The following ACTR3 variants were observed in gnomAD, a reference collection of about 807,000 sequenced individuals.
ACTR3 encodes actin related protein 3.
A neutral mutation model predicts 56.8 loss-of-function variants in ACTR3; 12 were observed. That is an observed-to-expected ratio of 0.21 (90% confidence interval 0.14 to 0.34). The LOEUF is 0.34. ACTR3 is among the 10% of genes least tolerant of loss of function. The probability of loss-of-function intolerance (pLI) is 1.00; values close to 1 mark genes in which losing one functional copy is unlikely to be tolerated. For missense variants in ACTR3, 282 were observed against 512.5 expected (o/e 0.55, Z 4.34); for synonymous variants, 162 against 167.4 (o/e 0.97, Z 0.25).
intron 8 of ACTR3, among the ~76,000 whole-genome samples, chr2:113,946,319 T>A (rs1680019459): frequency 6.6e-6 from 1 of 151,992 alleles, no homozygotes. Flanking sequence ...AAATTGTATT[T>A]ATTTTTTAAA....
intron 1 of ACTR3, among the ~76,000 whole-genome samples, chr2:113,892,161 G>T (rs911940866): frequency 6.6e-6 from 1 of 152,022 alleles, no homozygotes; most frequent in African/African-American, 2.4e-5. Context: ...AAATAGTTTC[G>T]AATTAGTATA....
chr2:113,919,680 G>A (rs1679471730), intron 3 of ACTR3, among the ~76,000 whole-genome samples: 1 of 152,056 alleles, frequency 6.6e-6, no homozygotes, highest in Admixed American at 6.6e-5. Context: ...TCCCAGCTCC[G>A]AGATAGTCTT....
intron 1 of ACTR3, among the ~76,000 whole-genome samples, chr2:113,897,215 A>G (rs889666961): frequency 4.2e-4 from 64 of 152,146 alleles, no homozygotes; most frequent in African/African-American, 1.5e-3. Context: ...ATGTTATTGG[A>G]TTGTTTTAAA....
At position 113,890,276 on chromosome 2, in the gene ACTR3, G is replaced by C; in HGVS notation, c.-4G>C. The C allele has an allele frequency of 6.5e-7, 1 of 1,527,678 alleles. No individual in the cohort carries two copies. The highest frequency in any genetic ancestry group is 8.8e-7 in the Non-Finnish European group (1 of 1,132,406). The allele number at this position is 1,527,678 out of a possible 1,614,324, so 94.6% of individuals were successfully genotyped here. On this transcript the variant is annotated 5_prime_UTR_variant, in exon 1 of 12. Transcript: ENST00000263238. The stretch of plus-strand genomic sequence containing the variant: ...GGCAGCAGCAGCAGCAGGCGAGGAG[G>C]AAGATGGCGGGACGGCTGCCGGCCT...
At chr2:113,957,236 G>C in intron 11 of ACTR3, 124 bp from the exon 12 acceptor site, 1 of 619,922 alleles carries the variant, frequency 1.6e-6, no homozygotes, top group Non-Finnish European at 2.8e-6. Flanking sequence ...GCCATGAATG[G>C]ACTAATAATA....
chr2:113,950,544 T>C (rs1332629292), intron 8 of ACTR3, among the ~76,000 whole-genome samples: 1 of 152,160 alleles, frequency 6.6e-6, no homozygotes, highest in African/African-American at 2.4e-5. Flanking sequence ...AACAAATATG[T>C]TTTAGCGATT....
At chr2:113,920,511 C>G (rs1412358067) in intron 3 of ACTR3, among the ~76,000 whole-genome samples, 3 of 152,142 alleles carry the variant, frequency 2.0e-5, no homozygotes, top group African/African-American at 7.2e-5. Flanking sequence ...ATTCAGAATT[C>G]TCTGTTCTAA....
intron 1 of ACTR3, chr2:113,904,993 TACTC>T (rs1251547236): frequency 6.6e-6 from 1 of 152,084 alleles, no homozygotes; most frequent in Non-Finnish European, 1.5e-5. Flanking sequence ...TTTTCTCTGT[TACTC>T]ATTTTTCTTT....
chr2:113,931,497 A>G, intron 5 of ACTR3, 101 bp downstream of exon 5: 1 of 626,822 alleles, frequency 1.6e-6, no homozygotes, highest in Non-Finnish European at 2.6e-6. Context: ...CAAAGGTTTA[A>G]ACATAATGTC....
chr2:113,893,388 G>C (rs13023889), intron 1 of ACTR3, among the ~76,000 whole-genome samples: 11,161 of 152,076 alleles, frequency 0.073, 452 homozygotes, highest in African/African-American at 0.1. Flanking sequence ...CCACCTCCCA[G>C]GTTCAAGCTA....
chr2:113,914,110 T>A (rs1195198019), intron 2 of ACTR3, among the ~76,000 whole-genome samples: 2 of 766 alleles, frequency 2.6e-3, no homozygotes, highest in Non-Finnish European at 0.033. Flanking sequence ...TCATTGTTAT[T>A]CATTATGAAA....
chr2:113,916,766 T>A, intron 2 of ACTR3, 118 bp from the exon 3 acceptor site: 1 of 801,746 alleles, frequency 1.2e-6, no homozygotes, highest in Non-Finnish European at 1.7e-6. Flanking sequence ...AGTTTGACAA[T>A]TTAAATAGGC....
intron 8 of ACTR3, among the ~76,000 whole-genome samples, chr2:113,944,584 TAAAA>T (rs34378884): frequency 6.9e-5 from 4 of 57,992 alleles, no homozygotes; most frequent in Admixed American, 2.6e-4. Context: ...CCGTCTCTAC[TAAAA>T]AAAAAAAAAA....
intron 11 of ACTR3, among the ~76,000 whole-genome samples, chr2:113,956,671 C>T (rs963416661): frequency 2.0e-5 from 3 of 152,212 alleles, no homozygotes; most frequent in African/African-American, 7.2e-5. Context: ...TACCATTAAC[C>T]TAGGAAGTAT....
rs1680334300 is a variant in ACTR3 at position 113,962,016 on chromosome 2, T to A, written c.*4561T>A. The A allele has an allele frequency of 6.6e-6, 1 of 152,020 alleles. No individual in the cohort carries two copies. The highest frequency in any genetic ancestry group is 6.6e-5 in the Admixed American group (1 of 15,240). 9.4% of individuals were successfully genotyped at this position (152,020 alleles called of 1,614,324 possible). On this transcript the variant is annotated 3_prime_UTR_variant, in exon 12 of 12. Transcript: ENST00000263238. ...GACATATTGCTTGGCATATAGTAGTTTAGTGGATGTGTTTGATGAATGAAT... is the reference window on the plus strand; with the variant it reads ...GACATATTGCTTGGCATATAGTAGTATAGTGGATGTGTTTGATGAATGAAT...
intron 1 of ACTR3, among the ~76,000 whole-genome samples, chr2:113,901,047 C>T (rs10168066): frequency 6.8e-4 from 104 of 152,306 alleles, no homozygotes; most frequent in African/African-American, 1.8e-3. Context: ...TGGCTGGGCA[C>T]GGTGGCTCAT....
chr2:113,932,176 T>TG (rs1679736339), intron 5 of ACTR3, among the ~76,000 whole-genome samples: 1 of 152,208 alleles, frequency 6.6e-6, no homozygotes, highest in African/African-American at 2.4e-5. Flanking sequence ...TATTTTAACT[T>TG]GGATAGCAAA....
chr2:113,931,795 A>G (rs1369817095), intron 5 of ACTR3, among the ~76,000 whole-genome samples: 5 of 150,808 alleles, frequency 3.3e-5, no homozygotes, highest in Admixed American at 6.6e-5. Context: ...ATCTTTAGGT[A>G]TATTTGACAC....
chr2:113,910,262 G>C (rs1448114074), intron 1 of ACTR3, among the ~76,000 whole-genome samples: 1 of 138,486 alleles, frequency 7.2e-6, no homozygotes, highest in Non-Finnish European at 1.5e-5. Flanking sequence ...GACAGAGTTT[G>C]GAGAGCTTTC....
Sources: gnomAD v4.1 joint callset for allele counts (sites outside exome capture counted in the v4.1 genomes callset) on GRCh38, gnomAD v4.1.1 for gene constraint, MANE v1.5 for transcripts, NCBI Gene and HGNC (gene_info 2026-07-23, HGNC 2026-07-21) for gene names.